The following CA5B variants were observed in gnomAD, a reference collection of about 807,000 sequenced individuals.
CA5B encodes the protein carbonic anhydrase 5B, mitochondrial.
In CA5B, 15 loss-of-function variants were observed where a neutral mutation model predicts 23.1. The observed-to-expected ratio is 0.65, with a 90% CI of 0.43 to 1.00. The LOEUF (loss-of-function observed/expected upper bound fraction) is 1.00. Among genes scored for constraint, CA5B ranks in the 50% least tolerant of loss-of-function variants. The pLI, the probability that CA5B is intolerant of heterozygous loss-of-function variation, is 0.00. For synonymous variants in CA5B, 84 were observed against 98.5 expected, an observed-to-expected ratio of 0.85 and a Z score of 0.87; for missense variants, 236 against 252.2, an observed-to-expected ratio of 0.94 and a Z score of 0.43.
At chrX:15,766,086 G>A (rs752509725) in intron 3 of CA5B, among the ~76,000 whole-genome samples, 1 of 103,382 alleles carries the variant, frequency 9.7e-6, no homozygotes, top group Non-Finnish European at 2.0e-5. Flanking sequence ...GAACCTGGGA[G>A]GCAGAGGTTG....
At chrX:15,779,487 G>T (rs1931984132) in intron 7 of CA5B, among the ~76,000 whole-genome samples, 1 of 112,088 alleles carries the variant, frequency 8.9e-6, no homozygotes, top group African/African-American at 3.2e-5. Flanking sequence ...ATCACAGGAA[G>T]AAAATAATAA....
chrX:15,762,196 G>A (rs1931616127), intron 2 of CA5B, among the ~76,000 whole-genome samples: 1 of 108,749 alleles, frequency 9.2e-6, no homozygotes, highest in Non-Finnish European at 1.9e-5. Flanking sequence ...CTTGAACCCA[G>A]GAGGCGGAGG....
At chrX:15,762,044 G>A (rs1486825973) in intron 2 of CA5B, among the ~76,000 whole-genome samples, 2 of 111,564 alleles carry the variant, frequency 1.8e-5, no homozygotes, top group South Asian at 3.8e-4. Context: ...GAGGTGGGTG[G>A]ATAACTTGAG....
chrX:15,782,750 T>C lies in CA5B; in HGVS notation c.*86T>C. On this transcript the variant is annotated 3_prime_UTR_variant, in exon 8 of 8. Coordinates refer to ENST00000318636, the MANE Select transcript of CA5B (RefSeq NM_007220.4). ...TGTTAACTAGACTATTCTAAGTGCC[T>C]GCATTTGATAATATTTACAGATGTG... 1 of 702,178 alleles carries C rather than the reference T, an allele frequency of 1.4e-6. No individual in the cohort carries two copies. Among genetic ancestry groups the C allele is most frequent in the Non-Finnish European group, 2.1e-6 (1 of 479,527 alleles). 57.9% of individuals were successfully genotyped at this position (702,178 alleles called of 1,213,427 possible).
chrX:15,781,177 A>G (rs763374235), intron 7 of CA5B, among the ~76,000 whole-genome samples: 12 of 110,078 alleles, frequency 1.1e-4, no homozygotes, highest in Non-Finnish European at 2.1e-4. Context: ...GGGTTTCACC[A>G]TGTTAGTCAG....
intron 3 of CA5B, among the ~76,000 whole-genome samples, chrX:15,772,164 G>A (rs776610857): frequency 1.3e-3 from 141 of 112,229 alleles, no homozygotes; most frequent in Non-Finnish European, 1.9e-3. Flanking sequence ...GTATTATAAA[G>A]TCATGTTGGA....
intron 1 of CA5B, among the ~76,000 whole-genome samples, chrX:15,740,769 T>A (rs763673701): frequency 4.4e-5 from 5 of 112,596 alleles, no homozygotes; most frequent in Non-Finnish European, 7.5e-5. Context: ...CCAATATGAT[T>A]AGAGGGCTGG....
At chrX:15,740,152 G>A (rs1931088760) in intron 1 of CA5B, among the ~76,000 whole-genome samples, 1 of 111,764 alleles carries the variant, frequency 8.9e-6, no homozygotes, top group Non-Finnish European at 1.9e-5. Flanking sequence ...CAAAATCCAA[G>A]GATATACATA....
At chrX:15,774,024 T>A (rs1413159723) in intron 4 of CA5B, among the ~76,000 whole-genome samples, 1 of 112,531 alleles carries the variant, frequency 8.9e-6, no homozygotes, top group African/African-American at 3.2e-5. Context: ...ACTGGACAAA[T>A]GTTGATTGCT....
chrX:15,774,599 C>A (rs908073078), intron 5 of CA5B, among the ~76,000 whole-genome samples: 1 of 111,450 alleles, frequency 9.0e-6, no homozygotes, highest in South Asian at 3.8e-4. Flanking sequence ...TTTGGGAGGC[C>A]GAGGCAGGCA....
intron 2 of CA5B, among the ~76,000 whole-genome samples, chrX:15,757,677 T>C (rs1931520448): frequency 9.8e-6 from 1 of 102,338 alleles, no homozygotes; most frequent in Non-Finnish European, 2.0e-5. Flanking sequence ...CACTGCACTC[T>C]AGCCTGGGTG....
intron 2 of CA5B, among the ~76,000 whole-genome samples, chrX:15,752,698 C>G (rs376273419): frequency 1.9e-5 from 2 of 106,753 alleles, no homozygotes; most frequent in South Asian, 8.4e-4. Context: ...GCACTCCAGC[C>G]TGGGCGACAG....
chrX:15,745,575 T>C (rs1290409556), intron 1 of CA5B: 1 of 112,535 alleles, frequency 8.9e-6, no homozygotes, highest in Admixed American at 9.4e-5. Flanking sequence ...TTTTTCTTTG[T>C]AGATTGCAAG....
In CA5B at chrX:15,773,274, T is replaced by G. The variant is rs754663382; in HGVS notation, c.459+660T>G. 5.7e-3 allele frequency among the ~76,000 whole-genome samples: 636 copies of G among 111,218 alleles called. 7 individuals are homozygous for G. The highest frequency in any genetic ancestry group is 0.019 in the African/African-American group (592 of 30,586). The stretch of plus-strand genomic sequence containing the variant: ...TATATTTGTTTCATTTTATTTTGCT[T>G]TGTGAGACAGGGTCTCACTCTGTCA... On this transcript the variant is annotated intron_variant, in intron 4 of 7. Coordinates refer to ENST00000318636, the MANE Select transcript of CA5B (RefSeq NM_007220.4).
chrX:15,765,357 A>G, intron 3 of CA5B: 1 of 212,937 alleles, frequency 4.7e-6, no homozygotes, highest in Non-Finnish European at 6.9e-6. Context: ...TTCAAATATT[A>G]TATTGATTTT....
intron 3 of CA5B, among the ~76,000 whole-genome samples, chrX:15,771,514 C>T (rs1025334389): frequency 1.8e-5 from 2 of 109,881 alleles, no homozygotes; most frequent in South Asian, 7.8e-4. Flanking sequence ...GCAACCTCCG[C>T]CTCCTGGGTT....
At chrX:15,764,911 TTG>T in intron 3 of CA5B, 136 bp downstream of exon 3, 2 of 1,040,093 alleles carry the variant, frequency 1.9e-6, no homozygotes, top group Admixed American at 3.3e-5. Context: ...TCTTAACTTT[TTG>T]AATGTGTGAA....
At chrX:15,775,382 C>T (rs1350071096) in intron 6 of CA5B, 74 bp downstream of exon 6, 2 of 1,116,996 alleles carry the variant, frequency 1.8e-6, no homozygotes, top group African/African-American at 3.6e-5. Context: ...ATTACCAAGG[C>T]ACTTTGAATT....
At position 15,787,975 on chromosome X, in the gene CA5B, A is replaced by G. The variant is rs1035282679; in HGVS notation, c.*5311A>G. The G allele has an allele frequency of 8.9e-6, 1 of 112,510 alleles. No homozygotes were observed. Among genetic ancestry groups the G allele is most frequent in the Non-Finnish European group, 1.9e-5 (1 of 53,355 alleles). 9.3% of individuals were successfully genotyped at this position (112,510 alleles called of 1,213,427 possible). On this transcript the variant is annotated 3_prime_UTR_variant, in exon 8 of 8. Coordinates refer to ENST00000318636, the MANE Select transcript of CA5B (RefSeq NM_007220.4). ...TGGTCTGATTCAGAAGAAATGTTACAACAACTTAAACACTGATGCTTTCAG... is the reference window on the plus strand; with the variant it reads ...TGGTCTGATTCAGAAGAAATGTTACGACAACTTAAACACTGATGCTTTCAG...
Sources: gnomAD v4.1 joint callset for allele counts (sites outside exome capture counted in the v4.1 genomes callset) on GRCh38, gnomAD v4.1.1 for gene constraint, MANE v1.5 for transcripts, NCBI Gene and HGNC (gene_info 2026-07-23, HGNC 2026-07-21) for gene names.